CUX1: variants seen among roughly 807,000 people sequenced by gnomAD.
CUX1 encodes cut like homeobox 1, also known as protein CASP.
Under a neutral mutation model 158.8 loss-of-function variants are expected in CUX1, and 31 were observed. The observed-to-expected ratio is 0.20, with a 90% CI of 0.15 to 0.26. The LOEUF is 0.26. Ranked by LOEUF, CUX1 falls within the 10% of genes least tolerant of loss-of-function variation. CUX1 has a pLI of 1.00. For missense variants in CUX1, 1,589 were observed against 2,014.6 expected (o/e 0.79, Z 4.04); for synonymous variants, 879 against 862.1 (o/e 1.02, Z -0.34).
At position 102,201,025 on chromosome 7, in the gene CUX1, T is replaced by TAAAAAAAAAAAAAAA. The variant is rs78359248; in HGVS notation, c.2063-320_2063-306dup. Among the ~76,000 whole-genome samples, 2 of 42,138 alleles carry TAAAAAAAAAAAAAAA rather than the reference T, an allele frequency of 4.7e-5. No homozygotes were observed. The highest frequency in any genetic ancestry group is 2.1e-4 in the African/African-American group (2 of 9,696). 27.6% of individuals were successfully genotyped at this position (42,138 alleles called of 152,430 possible). On this transcript the variant is annotated intron_variant, in intron 17 of 23. Transcript: ENST00000292535. This position sits in a 1 kb window ranked among gnomAD's most constrained non-coding sequence, Gnocchi z 5.0. ...CTGGACAACAGCGAGATCCTGTCGC[T>TAAAAAAAAAAAAAAA]AAAAAAAAAAAAAAAAAAAAAAAAA...
chr7:101,915,317 C>T (rs767793761), intron 1 of CUX1, among the ~76,000 whole-genome samples: 2 of 152,130 alleles, frequency 1.3e-5, no homozygotes, highest in Non-Finnish European at 2.9e-5. Flanking sequence ...GGTTCTCTGG[C>T]GCGTTGATTA....
intron 2 of CUX1, among the ~76,000 whole-genome samples, chr7:102,002,957 A>G (rs1347350569): frequency 6.6e-6 from 1 of 151,796 alleles, no homozygotes; most frequent in Admixed American, 6.6e-5. Context: ...GCTGGAGTGC[A>G]ATGGCACAAT....
At chr7:102,122,390 T>C (rs1473525901) in intron 8 of CUX1, among the ~76,000 whole-genome samples, 1 of 152,066 alleles carries the variant, frequency 6.6e-6, no homozygotes, top group African/African-American at 2.4e-5. Context: ...CGATGGCCTT[T>C]TTTTTTTTTC....
At chr7:102,280,057 G>A (rs375513246) in exon 19 of CUX1, 67 of 1,609,758 alleles carry the variant, frequency 4.2e-5, no homozygotes, top group East Asian at 3.6e-4. Context: ...GTGATGACAC[G>A]GAGCTGCGGT....
intron 1 of CUX1, among the ~76,000 whole-genome samples, chr7:101,888,508 C>T (rs1800508111): frequency 6.6e-6 from 1 of 152,158 alleles, no homozygotes; most frequent in Non-Finnish European, 1.5e-5. Flanking sequence ...TACCGCCAGC[C>T]TGATGCCTCA....
At chr7:102,166,851 G>A (rs890596411) in intron 9 of CUX1, among the ~76,000 whole-genome samples, 1 of 152,120 alleles carries the variant, frequency 6.6e-6, no homozygotes, top group Non-Finnish European at 1.5e-5. Context: ...AGAAAGTTGC[G>A]TGAAAGTAAC....
intron 2 of CUX1, among the ~76,000 whole-genome samples, chr7:101,998,903 A>G (rs140095176): frequency 2.0e-5 from 3 of 152,324 alleles, no homozygotes; most frequent in Non-Finnish European, 4.4e-5. Flanking sequence ...CCCCAGGTTC[A>G]CGGCTGGGCT....
At chr7:102,202,274 C>G in intron 18 of CUX1, 70 bp downstream of exon 18, 2 of 1,523,986 alleles carry the variant, frequency 1.3e-6, no homozygotes, top group Non-Finnish European at 8.8e-7. Context: ...GTATCTATCC[C>G]GCAGCCTGTG....
At chr7:102,157,430 C>T (rs1237422535) in intron 8 of CUX1, among the ~76,000 whole-genome samples, 2 of 152,122 alleles carry the variant, frequency 1.3e-5, no homozygotes, top group Non-Finnish European at 2.9e-5. Context: ...GTGGTCTGCC[C>T]GGGTGTGCTG....
At chr7:102,077,299 A>G (rs1396322706) in intron 4 of CUX1, among the ~76,000 whole-genome samples, 4 of 151,878 alleles carry the variant, frequency 2.6e-5, no homozygotes, top group African/African-American at 4.8e-5. Context: ...TGTCGGGTCA[A>G]TGGGGCTTAG....
chr7:102,218,725 T>A (rs1309594509), intron 20 of CUX1, among the ~76,000 whole-genome samples: 1 of 151,674 alleles, frequency 6.6e-6, no homozygotes, highest in Admixed American at 6.6e-5. Context: ...TTGGCTCCCA[T>A]GTCATTATAA....
At chr7:102,282,878 T>C in intron 22 of CUX1, 1 of 781,304 alleles carries the variant, frequency 1.3e-6, no homozygotes. Context: ...TCCTTAGCCC[T>C]CCATCACAGC....
intron 1 of CUX1, among the ~76,000 whole-genome samples, chr7:101,881,309 A>G (rs1799680635): frequency 6.6e-6 from 1 of 152,202 alleles, no homozygotes; most frequent in South Asian, 2.1e-4. Flanking sequence ...CAAGAAAACC[A>G]CAAGTCAGAC....
In CUX1 at chr7:101,856,206, A is replaced by AAAG. The variant is rs1554395823; in HGVS notation, c.30+38537_30+38538insAAG. ...TCAAAAAAAAAAAAAAAAAAAAAAA[A>AAAG]GGAAACAAGAAAGAAAAAAGCAGCT... On this transcript the variant is annotated intron_variant, in intron 1 of 23. Coordinates refer to ENST00000292535, the MANE Select transcript of CUX1 (RefSeq NM_181552.4). 5.9e-4 allele frequency among the ~76,000 whole-genome samples: 86 copies of AAAG among 146,376 alleles called. 1 individual carries two copies. Among genetic ancestry groups the AAAG allele is most frequent in the African/African-American group, 2.2e-3 (82 of 37,600 alleles).
At chr7:102,139,452 C>T (rs1378498138) in intron 8 of CUX1, among the ~76,000 whole-genome samples, 1 of 152,074 alleles carries the variant, frequency 6.6e-6, no homozygotes, top group Admixed American at 6.6e-5. Context: ...ATACATCTTC[C>T]AAGTGGAGAG....
At chr7:101,943,330 C>T (rs1303418765) in intron 2 of CUX1, among the ~76,000 whole-genome samples, 1 of 151,938 alleles carries the variant, frequency 6.6e-6, no homozygotes, top group Non-Finnish European at 1.5e-5. Flanking sequence ...TGGTCTTGAA[C>T]TCCTGAGCTC....
intron 4 of CUX1, among the ~76,000 whole-genome samples, chr7:102,092,743 A>G (rs1218167691): frequency 6.6e-6 from 1 of 151,684 alleles, no homozygotes; most frequent in Non-Finnish European, 1.5e-5. Context: ...GTGAATCCCT[A>G]TCTATACTAA....
chr7:102,009,280 C>T (rs1817722594), intron 2 of CUX1, among the ~76,000 whole-genome samples: 2 of 152,194 alleles, frequency 1.3e-5, no homozygotes, highest in African/African-American at 4.8e-5. Flanking sequence ...AGTGGAGTGG[C>T]TGTCATGACG....
chr7:102,000,959 G>A (rs894359811), intron 2 of CUX1, among the ~76,000 whole-genome samples: 4 of 152,172 alleles, frequency 2.6e-5, no homozygotes, highest in African/African-American at 9.6e-5. Context: ...TTGTATTTTT[G>A]TAGAGGTGGG....
Sources: allele counts gnomAD v4.1 joint callset (sites outside exome capture counted in the v4.1 genomes callset), GRCh38; gene constraint gnomAD v4.1.1; non-coding constraint Gnocchi (gnomAD v3.1); transcripts MANE v1.5; gene names NCBI Gene and HGNC (gene_info 2026-07-23, HGNC 2026-07-21).